The following VPS4B variants were observed in gnomAD, a reference collection of about 807,000 sequenced individuals.
VPS4B encodes the protein vacuolar protein sorting-associated protein 4B.
VPS4B carries 23 observed loss-of-function variants against 56.1 expected under a neutral mutation model. The observed-to-expected ratio is 0.41, with a 90% confidence interval of 0.30 to 0.58. The LOEUF is 0.58. Among genes scored for constraint, VPS4B ranks in the 20% least tolerant of loss-of-function variants. VPS4B has a pLI of 0.29. For missense variants in VPS4B, 372 were observed against 531.9 expected (o/e 0.70, Z 2.96); for synonymous variants, 177 against 186.0 (o/e 0.95, Z 0.39).
chr18:63,402,649 C>T (rs9957975), intron 5 of VPS4B, among the ~76,000 whole-genome samples: 2,524 of 152,214 alleles, frequency 0.017, 63 homozygotes, highest in African/African-American at 0.058. Context: ...GAAGATGATA[C>T]ATCAATGACT....
chr18:63,405,070 A>T (rs952925609), intron 4 of VPS4B, among the ~76,000 whole-genome samples: 9 of 152,194 alleles, frequency 5.9e-5, no homozygotes, highest in African/African-American at 2.2e-4. Flanking sequence ...TATAAATTTT[A>T]AAAATGTGTC....
intron 5 of VPS4B, among the ~76,000 whole-genome samples, chr18:63,402,161 C>T (rs993322092): frequency 6.6e-6 from 1 of 152,178 alleles, no homozygotes. Flanking sequence ...TACATGTATA[C>T]ATTTACAAGT....
At chr18:63,400,932 GT>G (rs1003424096) in intron 5 of VPS4B, among the ~76,000 whole-genome samples, 32 of 152,148 alleles carry the variant, frequency 2.1e-4, no homozygotes, top group Non-Finnish European at 1.5e-5. Context: ...AAGTACATTT[GT>G]TTGCTCATTC....
In VPS4B at chr18:63,420,802, G is replaced by A. The variant is rs138879745; in HGVS notation, c.27+1431C>T. Among the ~76,000 whole-genome samples the A allele has an allele frequency of 2.3e-3, 357 of 152,244 alleles. 3 individuals are homozygous for A. The highest frequency in any genetic ancestry group is 8.2e-3 in the African/African-American group (339 of 41,536). On this transcript the variant is annotated intron_variant, in intron 1 of 10. Transcript: ENST00000238497. ...CGCCTGTAATCCCAGCACTTTGGGAGGCTGAGGTAGGCGGATCACCTGAGG... is the reference window on the plus strand; with the variant it reads ...CGCCTGTAATCCCAGCACTTTGGGAAGCTGAGGTAGGCGGATCACCTGAGG...
intron 7 of VPS4B, among the ~76,000 whole-genome samples, chr18:63,399,673 CTATTTA>C (rs906424361): frequency 2.0e-5 from 3 of 151,806 alleles, no homozygotes; most frequent in African/African-American, 4.8e-5. Flanking sequence ...AATCTCTTTT[CTATTTA>C]TGTCAGTGAG....
intron 1 of VPS4B, among the ~76,000 whole-genome samples, chr18:63,420,622 T>C (rs904887301): frequency 2.0e-5 from 3 of 152,190 alleles, no homozygotes; most frequent in African/African-American, 4.8e-5. Flanking sequence ...AAAATACTTT[T>C]ACCAAATGAC....
chr18:63,422,107 G>C, intron 1 of VPS4B, 126 bp downstream of exon 1: 1 of 1,112,312 alleles, frequency 9.0e-7, no homozygotes, highest in Non-Finnish European at 1.2e-6. Context: ...GCAGGTCCCC[G>C]GACCCGCCCT....
chr18:63,390,790 TTAATAGGAGTA>T lies in VPS4B; in HGVS notation c.*174_*184del. ...ATAACCTGTTATTTTGTACCTTTTG[TTAATAGGAGTA>T]TTTAATAAGTAATGGAGGAAAAGTA... On this transcript the variant is annotated 3_prime_UTR_variant, in exon 11 of 11. Coordinates refer to ENST00000238497, the MANE Select transcript of VPS4B (RefSeq NM_004869.4). 2.2e-6 allele frequency: 1 copy of T among 455,402 alleles called. No homozygotes were observed. The highest frequency in any genetic ancestry group is 3.9e-6 in the Non-Finnish European group (1 of 255,100). The allele number at this position is 455,402 out of a possible 1,614,324, so 28.2% of individuals were successfully genotyped here.
Position 63,392,596 on chromosome 18 carries a change from G to A in VPS4B, c.1233+813C>T, listed in dbSNP as rs536479084. On this transcript the variant is annotated intron_variant, in intron 10 of 10. Coordinates refer to ENST00000238497, the MANE Select transcript of VPS4B (RefSeq NM_004869.4). ...CCCAAGTAGCTGGGACTACACGCAC[G>A]TGCCACCACGTCTGGCTAACTTTTT... 2.5e-3 allele frequency among the ~76,000 whole-genome samples: 380 copies of A among 151,052 alleles called. 1 individual carries two copies. Among genetic ancestry groups the A allele is most frequent in the Non-Finnish European group, 4.2e-3 (284 of 67,880 alleles).
intron 6 of VPS4B, 82 bp from the exon 7 acceptor site, chr18:63,400,278 C>A: frequency 7.3e-7 from 1 of 1,374,996 alleles, no homozygotes; most frequent in Non-Finnish European, 9.7e-7. Context: ...TACAAGAACT[C>A]TGTAGATTAA....
intron 4 of VPS4B, among the ~76,000 whole-genome samples, chr18:63,406,012 TG>T (rs1915910088): frequency 6.6e-6 from 1 of 151,410 alleles, no homozygotes; most frequent in South Asian, 2.1e-4. Flanking sequence ...AAAAAAAAAA[TG>T]TATCTTTTCG....
chr18:63,422,243 G>T lies in VPS4B; in HGVS notation c.17C>A (p.Pro6His). Residue 6 changes from proline (P) to histidine (H), a missense_variant, in exon 1 of 11, where the codon CCC becomes CAC. Pro to His is a moderately conservative substitution (Grantham distance 77). Coordinates refer to ENST00000238497, the MANE Select transcript of VPS4B (RefSeq NM_004869.4). ...GATGAGCAATGATACCTGGAGGTTG[G>T]GCGAAGTGGATGACATGGCGGAGTT... is the stretch of plus-strand genomic sequence containing the variant. MSSTS[P>H]NLQKAIDLAS... The T allele has an allele frequency of 6.6e-7, 1 of 1,514,756 alleles. No individual in the cohort carries two copies. The highest frequency in any genetic ancestry group is 2.2e-5 in the Admixed American group (1 of 44,794). 93.8% of individuals were successfully genotyped at this position (1,514,756 alleles called of 1,614,324 possible).
chr18:63,410,148 T>G, intron 3 of VPS4B, 142 bp downstream of exon 3: 1 of 1,087,574 alleles, frequency 9.2e-7, no homozygotes, highest in Non-Finnish European at 1.3e-6. Context: ...GGCTGTGTTC[T>G]GATAAAGCTT....
chr18:63,419,275 G>A (rs1333210479), intron 1 of VPS4B, among the ~76,000 whole-genome samples: 1 of 152,222 alleles, frequency 6.6e-6, no homozygotes, highest in African/African-American at 2.4e-5. Flanking sequence ...TTAGCTGGGT[G>A]TGTTGGTGCA....
At chr18:63,393,955 T>A (rs1369186798) in intron 9 of VPS4B, among the ~76,000 whole-genome samples, 1 of 152,162 alleles carries the variant, frequency 6.6e-6, no homozygotes, top group Non-Finnish European at 1.5e-5. Context: ...GCCAAGATGG[T>A]CTTGATCTCC....
In VPS4B at chr18:63,390,780, G is replaced by T; in HGVS notation, c.*195C>A. On this transcript the variant is annotated 3_prime_UTR_variant, in exon 11 of 11. Coordinates refer to ENST00000238497, the MANE Select transcript of VPS4B (RefSeq NM_004869.4). ...TCATTTCCTCATAACCTGTTATTTT[G>T]TACCTTTTGTTAATAGGAGTATTTA... 1 of 427,812 alleles carries T rather than the reference G, an allele frequency of 2.3e-6. No individual in the cohort carries two copies. Among genetic ancestry groups the T allele is most frequent in the Non-Finnish European group, 4.2e-6 (1 of 239,076 alleles). The allele number at this position is 427,812 out of a possible 1,614,324, so 26.5% of individuals were successfully genotyped here.
At chr18:63,411,374 AAT>A in intron 2 of VPS4B, 91 bp downstream of exon 2, 1 of 900,694 alleles carries the variant, frequency 1.1e-6, no homozygotes, top group Non-Finnish European at 1.5e-6. Context: ...GATCGTTTAG[AAT>A]TGTCTGGCAT....
At chr18:63,393,199 T>C (rs1234717319) in intron 10 of VPS4B, among the ~76,000 whole-genome samples, 1 of 152,198 alleles carries the variant, frequency 6.6e-6, no homozygotes, top group Non-Finnish European at 1.5e-5. Context: ...GCTTTTTCAC[T>C]TAAAGGTTCC....
At position 63,390,900 on chromosome 18, in the gene VPS4B, T is replaced by C. The variant is rs546542282; in HGVS notation, c.*75A>G. On this transcript the variant is annotated 3_prime_UTR_variant, in exon 11 of 11. Coordinates refer to ENST00000238497, the MANE Select transcript of VPS4B (RefSeq NM_004869.4). ...GGTAAAAGAGTTTTACTGGAAACAA[T>C]TAATGCGATCCAAATAGACAAAAAT... is the stretch of plus-strand genomic sequence containing the variant. 1 of 1,030,426 alleles carries C rather than the reference T, an allele frequency of 9.7e-7. No individual in the cohort carries two copies. Among genetic ancestry groups the C allele is most frequent in the Admixed American group, 2.2e-5 (1 of 45,738 alleles). 63.8% of individuals were successfully genotyped at this position (1,030,426 alleles called of 1,614,324 possible).
Sources: allele counts gnomAD v4.1 joint callset (sites outside exome capture counted in the v4.1 genomes callset), GRCh38; gene constraint gnomAD v4.1.1; transcripts MANE v1.5; gene names NCBI Gene and HGNC (gene_info 2026-07-23, HGNC 2026-07-21).